PLXDC1: variants seen among roughly 807,000 people sequenced by gnomAD.
PLXDC1 encodes plexin domain containing 1, also known as plexin domain-containing protein 1.
A neutral mutation model predicts 61.3 loss-of-function variants in PLXDC1; 39 were observed. That is an observed-to-expected ratio of 0.64 (90% CI 0.49 to 0.83). The LOEUF is 0.83. Ranked by LOEUF, PLXDC1 falls within the 40% of genes least tolerant of loss-of-function variation. PLXDC1 has a pLI of 0.00. For synonymous variants in PLXDC1, 212 were observed against 254.5 expected (o/e 0.83, Z 1.59); for missense variants, 596 against 666.5 (o/e 0.89, Z 1.17).
At chr17:39,147,023 T>C (rs977279892) in intron 1 of PLXDC1, among the ~76,000 whole-genome samples, 4 of 138,484 alleles carry the variant, frequency 2.9e-5, no homozygotes, top group African/African-American at 8.0e-5. Flanking sequence ...TGGCACGATC[T>C]CGGCTCACTG....
rs117610265 is a variant in PLXDC1 at position 39,089,154 on chromosome 17, T to A, written c.812-1452A>T. On this transcript the variant is annotated intron_variant, in intron 7 of 13. Transcript: ENST00000315392. Reference sequence around the variant, plus strand: ...GTCCGCCCAACACCCTTTCGTCTTCTGGAAACAGCAGCATTCCCCTTGGGG... The same window carrying A: ...GTCCGCCCAACACCCTTTCGTCTTCAGGAAACAGCAGCATTCCCCTTGGGG... 7.4e-4 allele frequency among the ~76,000 whole-genome samples: 113 copies of A among 152,312 alleles called. 1 individual carries two copies. The East Asian group carries it at 0.021, about 28-fold the overall frequency.
intron 2 of PLXDC1, among the ~76,000 whole-genome samples, chr17:39,125,113 T>C (rs1911277004): frequency 6.6e-6 from 1 of 152,216 alleles, no homozygotes; most frequent in Non-Finnish European, 1.5e-5. Context: ...GCGCAATTCC[T>C]TTTAATGTCC....
chr17:39,139,972 G>A, intron 1 of PLXDC1, 140 bp from the exon 2 acceptor site: 1 of 796,026 alleles, frequency 1.3e-6, no homozygotes, highest in Non-Finnish European at 1.9e-6. Flanking sequence ...ACCAGGACAG[G>A]AGACACCCAA....
rs8077608 is a variant in PLXDC1 at position 39,096,716 on chromosome 17, T to C, written c.812-9014A>G. 3.0e-3 allele frequency among the ~76,000 whole-genome samples: 456 copies of C among 152,354 alleles called. 2 individuals carry two copies. Among genetic ancestry groups the C allele is most frequent in the African/African-American group, 0.011 (443 of 41,578 alleles). ...TCTGGAGCTCTTTGTAAGAAAATCC[T>C]CACTAACTGATCCCACTAATTCAGA... On this transcript the variant is annotated intron_variant, in intron 7 of 13. Coordinates refer to ENST00000315392, the MANE Select transcript of PLXDC1 (RefSeq NM_020405.5).
Position 39,105,902 on chromosome 17 carries a change from C to A in PLXDC1, c.763G>T (p.Gly255Cys), listed in dbSNP as rs116323348. 8 of 1,614,026 alleles carry A rather than the reference C, an allele frequency of 5.0e-6. No individual in the cohort carries two copies. The highest frequency in any genetic ancestry group is 5.9e-6 in the Non-Finnish European group (7 of 1,179,924). The change falls in exon 7 of 14, where the codon GGC becomes TGC. Residue 255 changes from glycine to cysteine, a missense_variant. By Grantham distance (159) the Gly-to-Cys change is radical (BLOSUM62 -3). Coordinates refer to ENST00000315392, the MANE Select transcript of PLXDC1 (RefSeq NM_020405.5). ...ISSSQHPVKT[G>C]LSDAFMILNP... ...AGAATCATGAAGGCATCCGATAGGCCGGTTTTGACAGGATGCTGGGAGGAG... is the reference window on the plus strand; with the variant it reads ...AGAATCATGAAGGCATCCGATAGGCAGGTTTTGACAGGATGCTGGGAGGAG...
rs903060699 is a variant in PLXDC1 at position 39,107,498 on chromosome 17, T to G, written c.620A>C (p.His207Pro). 1 of 1,613,812 alleles carries G rather than the reference T, an allele frequency of 6.2e-7. No homozygotes were observed. Among genetic ancestry groups the G allele is most frequent in the Non-Finnish European group, 8.5e-7 (1 of 1,179,780 alleles). ...GTCTTCCCAGCCTTGGAGATAAACG[T>G]GGTCCCACTGAACCACAAAGACTGT... ...NGTVFVVQWDHVYLQGWEDKG... is the reference protein window; with the variant it reads ...NGTVFVVQWDPVYLQGWEDKG... Residue 207 changes from histidine to proline, a missense_variant, in exon 6 of 14, where the codon CAC becomes CCC. Physicochemically the swap from His to Pro is moderately conservative, Grantham distance 77 (BLOSUM62 -2). Coordinates refer to ENST00000315392, the MANE Select transcript of PLXDC1 (RefSeq NM_020405.5).
intron 2 of PLXDC1, among the ~76,000 whole-genome samples, chr17:39,118,083 TC>T (rs1567766519): frequency 3.3e-5 from 2 of 60,112 alleles, no homozygotes; most frequent in African/African-American, 1.5e-4. Flanking sequence ...CCTCCCTCCC[TC>T]CCTTCCTTCC....
At position 39,063,865 on chromosome 17, in the gene PLXDC1, A is replaced by G. The variant is rs1450868918; in HGVS notation, c.*3975T>C. ...AGCCCCTGATCAGTGCTTCATGCCA[A>G]TCTGTGAGTCTGTTCCAGGAACTAG... is the stretch of plus-strand genomic sequence containing the variant. On this transcript the variant is annotated 3_prime_UTR_variant, in exon 14 of 14. Coordinates refer to ENST00000315392, the MANE Select transcript of PLXDC1 (RefSeq NM_020405.5). The G allele has an allele frequency of 9.8e-6, 2 of 205,038 alleles. No individual in the cohort carries two copies. The highest frequency in any genetic ancestry group is 5.4e-5 in the Admixed American group (1 of 18,588). 12.7% of individuals were successfully genotyped at this position (205,038 alleles called of 1,614,324 possible). A position where few individuals can be genotyped will look rare whatever the true frequency, so the allele number is the denominator to read the frequency against.
At chr17:39,128,172 T>C (rs190065515) in intron 2 of PLXDC1, among the ~76,000 whole-genome samples, 4,040 of 121,154 alleles carry the variant, frequency 0.033, 205 homozygotes, top group Non-Finnish European at 0.053. Flanking sequence ...TGTATATATA[T>C]GTATATATAT....
chr17:39,108,186 G>T lies in PLXDC1; in HGVS notation c.529C>A (p.Pro177Thr). The change falls in exon 5 of 14, where the codon CCC (proline) becomes ACC (threonine). Residue 177 changes from proline to threonine, a missense_variant. Physicochemically the swap from Pro to Thr is conservative, Grantham distance 38. Coordinates refer to ENST00000315392, the MANE Select transcript of PLXDC1 (RefSeq NM_020405.5). ...CCAGGGTTGAAGTTGGCCATCAGGG[G>T]CGCCACATACTGAGTAGCTGTGAGC... ...RMLTATQYVA[P>T]LMANFNPGYS... 6.2e-7 allele frequency: 1 copy of T among 1,614,186 alleles called. No homozygotes were observed. The highest frequency in any genetic ancestry group is 8.5e-7 in the Non-Finnish European group (1 of 1,180,018).
At chr17:39,068,053 T>G in intron 13 of PLXDC1, 94 bp from the exon 14 acceptor site, 4 of 1,264,728 alleles carry the variant, frequency 3.2e-6, no homozygotes, top group Non-Finnish European at 4.5e-6. Context: ...AGACTGTCTC[T>G]TATAAGGGCC....
chr17:39,139,853 C>T (rs1172602715), intron 1 of PLXDC1, 21 bp from the exon 2 acceptor site: 2 of 1,582,346 alleles, frequency 1.3e-6, no homozygotes, highest in East Asian at 4.5e-5. Context: ...GGGACAGAAA[C>T]CTGAGTGCCA....
intron 11 of PLXDC1, 26 bp from the exon 12 acceptor site, chr17:39,072,511 C>A: frequency 4.2e-6 from 6 of 1,433,328 alleles, no homozygotes; most frequent in Non-Finnish European, 5.8e-6. Context: ...ACAGAAGGAG[C>A]AAGATTAGTG....
upstream of PLXDC1, chr17:39,152,525 C>G: frequency 8.1e-7 from 1 of 1,239,040 alleles, no homozygotes; most frequent in Non-Finnish European, 1.0e-6. Context: ...ACGAAGATGC[C>G]TCTTCCCTCC....
intron 7 of PLXDC1, among the ~76,000 whole-genome samples, chr17:39,095,379 CAA>C (rs56370388): frequency 0.94 from 54,821 of 58,224 alleles, 26,236 homozygotes; most frequent in South Asian, 0.97. Flanking sequence ...CCCCCCCCCC[CAA>C]CCCCCCAAGC....
intron 7 of PLXDC1, among the ~76,000 whole-genome samples, chr17:39,098,197 C>A (rs1598195633): frequency 1.0e-5 from 1 of 95,748 alleles, no homozygotes. Context: ...AAGAGTGAAA[C>A]TCCATCTCAA....
chr17:39,099,513 A>AAGAAGCAGCCT (rs2143602199), intron 7 of PLXDC1, among the ~76,000 whole-genome samples: 1 of 152,218 alleles, frequency 6.6e-6, no homozygotes, highest in Admixed American at 6.5e-5. Context: ...GAACAGTCCC[A>AAGAAGCAGCCT]AGAAGCAGCC....
upstream of PLXDC1, among the ~76,000 whole-genome samples, chr17:39,152,174 T>G (rs1471301820): frequency 3.2e-5 from 4 of 124,484 alleles, no homozygotes. Flanking sequence ...TGACTCCACC[T>G]TATCCCTCCA....
At chr17:39,122,398 AAAAAAAG>A (rs1438823186) in intron 2 of PLXDC1, among the ~76,000 whole-genome samples, 3 of 150,058 alleles carry the variant, frequency 2.0e-5, no homozygotes, top group East Asian at 4.2e-4. Flanking sequence ...AAAAAAAAAA[AAAAAAAG>A]ACTGGGGTGC....
Sources: gnomAD v4.1 joint callset for allele counts (sites outside exome capture counted in the v4.1 genomes callset) on GRCh38, gnomAD v4.1.1 for gene constraint, MANE v1.5 for transcripts, NCBI Gene and HGNC (gene_info 2026-07-23, HGNC 2026-07-21) for gene names.